The following SAMMSON variants were observed in gnomAD, a reference collection of about 807,000 sequenced individuals.
SAMMSON encodes the protein long intergenic non-protein coding RNA 1212.
chr3:70,062,682 C>T (rs1477200350), intron 3 of SAMMSON, among the ~76,000 whole-genome samples: 1 of 152,120 alleles, frequency 6.6e-6, no homozygotes. Flanking sequence ...TCTGCCCATT[C>T]TCTGGCTTCT....
intron 4 of SAMMSON, among the ~76,000 whole-genome samples, chr3:70,078,370 C>T (rs547571597): frequency 1.6e-4 from 24 of 152,210 alleles, no homozygotes; most frequent in African/African-American, 4.6e-4. Flanking sequence ...ATGCAGGTGC[C>T]GTTTGAAAGG....
rs545341646 is a variant in SAMMSON, at chr3:70,148,171, A to G, written n.507+76606A>G. ...GAATGTGGAGCAACTGGAATTTTCA[A>G]ACATTACTGATGGGAATGCCAAATT... On this transcript the variant is annotated intron_variant and non_coding_transcript_variant, in intron 4 of 9. Coordinates refer to ENST00000642114, the Ensembl canonical transcript of SAMMSON. Among the ~76,000 whole-genome samples the G allele has an allele frequency of 3.9e-5, 6 of 152,242 alleles. No homozygotes were observed. The South Asian group carries it at 8.3e-4, about 21-fold the overall frequency.
chr3:70,298,089 T>C (rs541225082), intron 7 of SAMMSON, among the ~76,000 whole-genome samples: 2 of 152,200 alleles, frequency 1.3e-5, no homozygotes, highest in African/African-American at 4.8e-5. Context: ...CTGTGTATAA[T>C]ATAATTTTAT....
intron 7 of SAMMSON, among the ~76,000 whole-genome samples, chr3:70,292,555 T>A (rs992818378): frequency 6.6e-6 from 1 of 152,172 alleles, no homozygotes. Context: ...AAGGATAGTT[T>A]ATAAACTTGT....
At chr3:70,282,734 C>T (rs1235255876) in intron 6 of SAMMSON, among the ~76,000 whole-genome samples, 9 of 152,286 alleles carry the variant, frequency 5.9e-5, no homozygotes, top group Non-Finnish European at 1.0e-4. Context: ...TTATTTGTCA[C>T]CAGACTTACC....
At chr3:70,304,122 G>T (rs1702377684) in intron 7 of SAMMSON, among the ~76,000 whole-genome samples, 2 of 152,122 alleles carry the variant, frequency 1.3e-5, no homozygotes, top group South Asian at 4.1e-4. Context: ...TCTAGGGCCT[G>T]CTTCCAGCCA....
chr3:70,142,707 A>G (rs2067532859), intron 4 of SAMMSON, among the ~76,000 whole-genome samples: 3 of 152,178 alleles, frequency 2.0e-5, no homozygotes, highest in Admixed American at 2.0e-4. Flanking sequence ...ACAAAAAATA[A>G]AAAATAAAAT....
intron 1 of SAMMSON, among the ~76,000 whole-genome samples, chr3:70,004,030 C>CT (rs2066916300): frequency 6.7e-6 from 1 of 150,164 alleles, no homozygotes; most frequent in African/African-American, 2.4e-5. Flanking sequence ...CTTTCTGTTT[C>CT]TTTTGTCTTT....
chr3:70,290,451 T>C (rs1702223917), intron 6 of SAMMSON, among the ~76,000 whole-genome samples: 1 of 152,204 alleles, frequency 6.6e-6, no homozygotes, highest in South Asian at 2.1e-4. Context: ...GGAGAACCAC[T>C]GCTCTCTTCA....
intron 3 of SAMMSON, among the ~76,000 whole-genome samples, chr3:70,066,782 G>T (rs1436010156): frequency 6.6e-6 from 1 of 152,066 alleles, no homozygotes; most frequent in African/African-American, 2.4e-5. Context: ...AGAAACAGCA[G>T]GTAGGGGCGG....
At chr3:70,271,105 G>T (rs1178135795) in intron 6 of SAMMSON, among the ~76,000 whole-genome samples, 2 of 152,158 alleles carry the variant, frequency 1.3e-5, no homozygotes, top group Non-Finnish European at 2.9e-5. Context: ...AAGCTGGGAA[G>T]TTGTATATAC....
chr3:70,118,517 T>C (rs567855001), intron 4 of SAMMSON, among the ~76,000 whole-genome samples: 102 of 152,320 alleles, frequency 6.7e-4, no homozygotes, highest in Middle Eastern at 6.8e-3. Flanking sequence ...CAAATAATTC[T>C]GTGGAAATCT....
chr3:70,328,281 A>G (rs1377692985), intron 7 of SAMMSON, among the ~76,000 whole-genome samples: 6 of 152,268 alleles, frequency 3.9e-5, no homozygotes, highest in Non-Finnish European at 1.5e-5. Flanking sequence ...CATCCAATCA[A>G]AAATTACCAC....
intron 7 of SAMMSON, among the ~76,000 whole-genome samples, chr3:70,345,813 C>T (rs1702746360): frequency 6.6e-6 from 1 of 152,088 alleles, no homozygotes; most frequent in Admixed American, 6.6e-5. Flanking sequence ...CTTCACATGG[C>T]TTGATAGCTT....
chr3:70,383,922 T>A (rs1352975429), intron 9 of SAMMSON, among the ~76,000 whole-genome samples: 1 of 152,106 alleles, frequency 6.6e-6, no homozygotes, highest in African/African-American at 2.4e-5. Flanking sequence ...TTGTTTTTCT[T>A]GTATCAGCAC....
At chr3:70,255,650 G>T (rs1240476233) in intron 6 of SAMMSON, among the ~76,000 whole-genome samples, 2 of 151,960 alleles carry the variant, frequency 1.3e-5, no homozygotes, top group South Asian at 4.2e-4. Flanking sequence ...GTGGAGGTGG[G>T]GTCTCATTAT....
chr3:70,279,590 G>A (rs749008034), intron 6 of SAMMSON, among the ~76,000 whole-genome samples: 3 of 152,090 alleles, frequency 2.0e-5, no homozygotes, highest in East Asian at 1.9e-4. Context: ...CAGTCCAGAC[G>A]GAATCTGGGT....
intron 2 of SAMMSON, among the ~76,000 whole-genome samples, chr3:70,402,034 A>T (rs1302209235): frequency 6.6e-6 from 1 of 152,072 alleles, no homozygotes; most frequent in African/African-American, 2.4e-5. Flanking sequence ...TAAAAGTGTG[A>T]CCCTGTATGC....
intron 4 of SAMMSON, among the ~76,000 whole-genome samples, chr3:70,146,902 A>G (rs774015963): frequency 6.6e-6 from 1 of 152,040 alleles, no homozygotes; most frequent in African/African-American, 2.4e-5. Flanking sequence ...CTATTCACAG[A>G]TGATATAATT....
Sources: gnomAD v4.1 joint callset for allele counts (sites outside exome capture counted in the v4.1 genomes callset) on GRCh38, gnomAD v4.1.1 for gene constraint, MANE v1.5 for transcripts, NCBI Gene and HGNC (gene_info 2026-07-23, HGNC 2026-07-21) for gene names.